The following CYP7B1 variants were observed in gnomAD, a reference collection of about 807,000 sequenced individuals.
CYP7B1 encodes cytochrome P450 7B1.
A neutral mutation model predicts 42.7 loss-of-function variants in CYP7B1; 29 were observed. The ratio of observed to expected loss-of-function variants is 0.68; its 90% CI spans 0.51 to 0.93. The LOEUF is 0.93. CYP7B1 is among the 40% of genes least tolerant of loss of function. The pLI, the probability that CYP7B1 is intolerant of heterozygous loss-of-function variation, is 0.00. For missense variants in CYP7B1, 655 were observed against 600.5 expected (o/e 1.09, Z -0.95); for synonymous variants, 235 against 218.2 (o/e 1.08, Z -0.68).
At chr8:64,749,545 A>C (rs189440016) in intron 1 of CYP7B1, among the ~76,000 whole-genome samples, 41 of 152,320 alleles carry the variant, frequency 2.7e-4, no homozygotes, top group African/African-American at 9.4e-4. Flanking sequence ...AGCTATCTAA[A>C]AGTAGATTTG....
intron 1 of CYP7B1, among the ~76,000 whole-genome samples, chr8:64,779,993 C>A (rs1332478115): frequency 6.6e-6 from 1 of 152,094 alleles, no homozygotes; most frequent in African/African-American, 2.4e-5. Flanking sequence ...TTTTCAGATG[C>A]AGGAATGTTA....
chr8:64,772,435 G>A (rs566703919), intron 1 of CYP7B1, among the ~76,000 whole-genome samples: 45 of 152,310 alleles, frequency 3.0e-4, no homozygotes, highest in South Asian at 2.3e-3. Flanking sequence ...ACAGAAAGAA[G>A]TTCCAGGAGC....
At chr8:64,772,501 C>A (rs1563422978) in intron 1 of CYP7B1, among the ~76,000 whole-genome samples, 1 of 152,212 alleles carries the variant, frequency 6.6e-6, no homozygotes, top group Non-Finnish European at 1.5e-5. Flanking sequence ...ACTAACTCTT[C>A]TCTGAGTCTC....
chr8:64,691,622 A>G (rs1397018103), intron 1 of CYP7B1, among the ~76,000 whole-genome samples: 1 of 152,158 alleles, frequency 6.6e-6, no homozygotes, highest in African/African-American at 2.4e-5. Context: ...CAACATTTTC[A>G]ATGCAATGAC....
At chr8:64,728,467 C>T (rs1807355529) in intron 1 of CYP7B1, among the ~76,000 whole-genome samples, 1 of 152,146 alleles carries the variant, frequency 6.6e-6, no homozygotes, top group African/African-American at 2.4e-5. Context: ...CACTGTTAGC[C>T]CCTTATCTCA....
rs533575508 is a variant in CYP7B1 at position 64,591,072 on chromosome 8, A to G, written c.*5570T>C. 1.7e-4 allele frequency among the ~76,000 whole-genome samples: 26 copies of G among 152,276 alleles called. No homozygotes were observed. The highest frequency in any genetic ancestry group is 2.6e-4 in the Non-Finnish European group (18 of 67,974). ...CCTCCTTCTAAAAATATTTTAAAAC[A>G]TAAGTATTGACAAATTATAACCTAT... On this transcript the variant is annotated 3_prime_UTR_variant, in exon 6 of 6. Transcript: ENST00000310193.
At chr8:64,671,121 G>C (rs1042971090) in intron 1 of CYP7B1, among the ~76,000 whole-genome samples, 3 of 151,476 alleles carry the variant, frequency 2.0e-5, no homozygotes, top group Non-Finnish European at 4.4e-5. Flanking sequence ...GCAGAAATGA[G>C]GATATGAAAG....
chr8:64,614,183 GC>G (rs2129630149), intron 4 of CYP7B1, among the ~76,000 whole-genome samples: 1 of 152,234 alleles, frequency 6.6e-6, no homozygotes, highest in African/African-American at 2.4e-5. Flanking sequence ...GTAGTGAACA[GC>G]CTTCTCAAAG....
intron 1 of CYP7B1, among the ~76,000 whole-genome samples, chr8:64,792,508 T>G (rs2129726037): frequency 6.6e-6 from 1 of 152,288 alleles, no homozygotes; most frequent in South Asian, 2.1e-4. Flanking sequence ...ACATACTCAT[T>G]CATTTGTACT....
chr8:64,613,530 G>A (rs1050782810), intron 4 of CYP7B1, among the ~76,000 whole-genome samples: 1 of 152,078 alleles, frequency 6.6e-6, no homozygotes, highest in South Asian at 2.1e-4. Flanking sequence ...CTGCTTGAAT[G>A]TATGGGAAAT....
chr8:64,681,509 G>C (rs1246003404), intron 1 of CYP7B1, among the ~76,000 whole-genome samples: 1 of 152,218 alleles, frequency 6.6e-6, no homozygotes, highest in Non-Finnish European at 1.5e-5. Flanking sequence ...AGAAGTGATG[G>C]TATGTCACTT....
chr8:64,774,327 G>A (rs1466030512), intron 1 of CYP7B1, among the ~76,000 whole-genome samples: 1 of 152,198 alleles, frequency 6.6e-6, no homozygotes, highest in Non-Finnish European at 1.5e-5. Context: ...TATATAGTAG[G>A]TAGCCAATAA....
chr8:64,775,386 C>G (rs1804307021), intron 1 of CYP7B1, among the ~76,000 whole-genome samples: 1 of 152,068 alleles, frequency 6.6e-6, no homozygotes, highest in Non-Finnish European at 1.5e-5. Flanking sequence ...TGTGTATTCT[C>G]AGGTTTCTCG....
chr8:64,753,081 T>A (rs532706565), intron 1 of CYP7B1, among the ~76,000 whole-genome samples: 48 of 152,316 alleles, frequency 3.2e-4, no homozygotes, highest in African/African-American at 1.2e-3. Context: ...AAATGTTATT[T>A]TCCACTGAAG....
At chr8:64,588,876 T>G (rs1020714572), downstream of CYP7B1, among the ~76,000 whole-genome samples, 3 of 152,176 alleles carry the variant, frequency 2.0e-5, no homozygotes, top group Middle Eastern at 3.4e-3. Flanking sequence ...ATGTGAAGAG[T>G]TGGGAAAGAA....
intron 1 of CYP7B1, among the ~76,000 whole-genome samples, chr8:64,649,283 A>G (rs1806001585): frequency 1.3e-5 from 2 of 152,366 alleles, no homozygotes; most frequent in Non-Finnish European, 2.9e-5. Context: ...TACTGTAGAT[A>G]CATCATATGT....
chr8:64,685,517 GC>G (rs1435497379), intron 1 of CYP7B1, among the ~76,000 whole-genome samples: 2 of 33,684 alleles, frequency 5.9e-5, no homozygotes, highest in Non-Finnish European at 1.4e-4. Context: ...CTGCCCCGCC[GC>G]CCCATCTGGG....
intron 4 of CYP7B1, among the ~76,000 whole-genome samples, chr8:64,606,339 G>C (rs758832515): frequency 1.1e-4 from 16 of 152,354 alleles, no homozygotes; most frequent in Non-Finnish European, 2.4e-4. Flanking sequence ...GTGGTGAAAA[G>C]CAAGGCTCGG....
At chr8:64,630,446 T>C (rs1805672372) in intron 1 of CYP7B1, among the ~76,000 whole-genome samples, 1 of 152,270 alleles carries the variant, frequency 6.6e-6, no homozygotes, top group Non-Finnish European at 1.5e-5. Context: ...CAGACTGAGA[T>C]AAGAGTATTT....
Sources: gnomAD v4.1 joint callset for allele counts (sites outside exome capture counted in the v4.1 genomes callset) on GRCh38, gnomAD v4.1.1 for gene constraint, MANE v1.5 for transcripts, NCBI Gene and HGNC (gene_info 2026-07-23, HGNC 2026-07-21) for gene names.